The following TNR variants were observed in gnomAD, a reference collection of about 807,000 sequenced individuals.
The protein encoded by TNR is tenascin R.
In TNR, 45 loss-of-function variants were observed where a neutral mutation model predicts 150.4. The observed-to-expected ratio is 0.30, with a 90% CI of 0.24 to 0.38. The LOEUF (loss-of-function observed/expected upper bound fraction) is 0.38, where lower values mean the gene tolerates loss of function less well. Among genes scored for constraint, TNR ranks in the 10% least tolerant of loss-of-function variants. The pLI, the probability that TNR is intolerant of heterozygous loss-of-function variation, is 1.00. For synonymous variants in TNR, 687 were observed against 678.4 expected (o/e 1.01, Z -0.20); for missense variants, 1,544 against 1,759.1 (o/e 0.88, Z 2.19).
chr1:175,354,244 G>C, intron 18 of TNR, 147 bp downstream of exon 18: 2 of 1,091,614 alleles, frequency 1.8e-6, no homozygotes, highest in Non-Finnish European at 2.6e-6. Context: ...GAGGTTTCCT[G>C]GTAGGGGCTT....
chr1:175,496,575 C>T (rs1658497562), intron 2 of TNR, among the ~76,000 whole-genome samples: 2 of 152,196 alleles, frequency 1.3e-5, no homozygotes, highest in Admixed American at 6.5e-5. Flanking sequence ...CATTTATTAA[C>T]TGCTGATTCT....
chr1:175,515,871 G>C (rs967396417), intron 2 of TNR, among the ~76,000 whole-genome samples: 1 of 152,168 alleles, frequency 6.6e-6, no homozygotes, highest in Non-Finnish European at 1.5e-5. Flanking sequence ...ATTCTAAATT[G>C]GGATGAGGGC....
At chr1:175,328,423 G>T (rs1649535183) in intron 21 of TNR, among the ~76,000 whole-genome samples, 1 of 152,198 alleles carries the variant, frequency 6.6e-6, no homozygotes, top group Non-Finnish European at 1.5e-5. Flanking sequence ...GGTTGATTCA[G>T]AAGGCCACTA....
chr1:175,379,848 C>T (rs1285588434), intron 8 of TNR, 111 bp from the exon 9 acceptor site: 1 of 1,234,412 alleles, frequency 8.1e-7, no homozygotes, highest in African/African-American at 1.5e-5. Context: ...CCCTGACCCT[C>T]TGGCTCACAT....
chr1:175,337,560 A>T lies in TNR; in HGVS notation c.3502T>A (p.Cys1168Ser). ...GELSQKLQVYCDMTTDGGGWI... is the reference protein window; with the variant it reads ...GELSQKLQVYSDMTTDGGGWI... ...CCGCCCCCGTCGGTGGTCATATCAC[A>T]GTACACTTGTAATTTCTGGCTCAGC... The change falls in exon 19 of 23, where the codon TGT (cysteine) becomes AGT (serine). Residue 1168 changes from cysteine (C) to serine (S), a missense_variant. Physicochemically the swap from Cys to Ser is moderately radical, Grantham distance 112. This residue lies in a region of TNR where 290 missense variants were observed against 429.7 expected (regional missense o/e 0.67). Transcript: ENST00000367674. 6.2e-7 allele frequency: 1 copy of T among 1,613,818 alleles called. No individual in the cohort carries two copies.
chr1:175,443,611 A>T (rs1372984942), intron 2 of TNR, among the ~76,000 whole-genome samples: 2 of 152,156 alleles, frequency 1.3e-5, no homozygotes, highest in African/African-American at 4.8e-5. Flanking sequence ...AGACAGCCCC[A>T]GTACATGTTT....
intron 18 of TNR, among the ~76,000 whole-genome samples, chr1:175,347,753 T>C (rs1350688316): frequency 6.6e-6 from 1 of 152,122 alleles, no homozygotes; most frequent in Non-Finnish European, 1.5e-5. Context: ...AAATTTACAT[T>C]TTAATTTTTA....
intron 1 of TNR, among the ~76,000 whole-genome samples, chr1:175,609,218 T>C (rs1260208139): frequency 6.6e-6 from 1 of 152,144 alleles, no homozygotes; most frequent in Non-Finnish European, 1.5e-5. Context: ...AAGAAGGAAG[T>C]TGAATGACAT....
At chr1:175,413,580 C>T (rs1654307088) in intron 2 of TNR, among the ~76,000 whole-genome samples, 1 of 152,310 alleles carries the variant, frequency 6.6e-6, no homozygotes, top group African/African-American at 2.4e-5. Flanking sequence ...CTCCTCTCTG[C>T]CCTTCACTCT....
In TNR at chr1:175,317,023, G is replaced by A. The variant is rs1648867058; in HGVS notation, c.*6334C>T. 1 of 152,180 alleles carries A rather than the reference G, an allele frequency of 6.6e-6. No individual in the cohort carries two copies. The highest frequency in any genetic ancestry group is 1.5e-5 in the Non-Finnish European group (1 of 68,028). The allele number at this position is 152,180 out of a possible 1,614,324, so 9.4% of individuals were successfully genotyped here. A position where few individuals can be genotyped will look rare whatever the true frequency, so the allele number is the denominator to read the frequency against. ...GGCTTCAAAATTAGACAAAGGTTCAGATTATGGCTCTATTTAGTAGCTGTG... is the reference window on the plus strand; with the variant it reads ...GGCTTCAAAATTAGACAAAGGTTCAAATTATGGCTCTATTTAGTAGCTGTG... On this transcript the variant is annotated 3_prime_UTR_variant, in exon 23 of 23. Coordinates refer to ENST00000367674, the MANE Select transcript of TNR (RefSeq NM_003285.3).
chr1:175,565,177 T>C (rs1355047514), intron 1 of TNR, among the ~76,000 whole-genome samples: 1 of 152,242 alleles, frequency 6.6e-6, no homozygotes, highest in Non-Finnish European at 1.5e-5. Context: ...ACAGGATGAC[T>C]CTGCCAAGCC....
Position 175,684,808 on chromosome 1 carries a change from C to T in TNR, c.-165+58418G>A, listed in dbSNP as rs138049382. ...GTATACATGATCATATTAAAGGCTC[C>T]GAAGTCTATGGGAAAGAACTCTGTT... On this transcript the variant is annotated intron_variant, in intron 1 of 22. Coordinates refer to ENST00000367674, the MANE Select transcript of TNR (RefSeq NM_003285.3). 1.5e-3 allele frequency among the ~76,000 whole-genome samples: 233 copies of T among 152,238 alleles called. 3 individuals carry two copies. The highest frequency in any genetic ancestry group is 4.9e-3 in the African/African-American group (202 of 41,562).
intron 14 of TNR, 55 bp from the exon 15 acceptor site, chr1:175,359,786 C>T (rs1040955417): frequency 1.3e-6 from 2 of 1,554,670 alleles, no homozygotes; most frequent in Non-Finnish European, 8.7e-7. Context: ...GATAGAAATG[C>T]AGGGAATGAT....
chr1:175,503,368 A>C (rs1396749345), intron 2 of TNR, among the ~76,000 whole-genome samples: 1 of 152,220 alleles, frequency 6.6e-6, no homozygotes. Flanking sequence ...TATGGAAGGA[A>C]TCAATATATT....
intron 1 of TNR, among the ~76,000 whole-genome samples, chr1:175,665,716 G>C (rs1665515237): frequency 1.3e-5 from 2 of 152,158 alleles, no homozygotes; most frequent in Non-Finnish European, 2.9e-5. Flanking sequence ...CCTGTACCAG[G>C]CACTGTTAGA....
chr1:175,581,072 C>A (rs919644623), intron 1 of TNR, among the ~76,000 whole-genome samples: 2 of 152,228 alleles, frequency 1.3e-5, no homozygotes, highest in African/African-American at 2.4e-5. Flanking sequence ...CTCAGTGGAA[C>A]AAGCTTGAAC....
In TNR at chr1:175,406,573, C is replaced by T; in HGVS notation, c.142G>A (p.Glu48Lys). Residue 48 changes from glutamate to lysine, a missense_variant, in exon 3 of 23, where the codon GAG becomes AAG. Physicochemically the swap from Glu to Lys is moderately conservative, Grantham distance 56. Transcript: ENST00000367674. ...GTGTTGTAGTTGGCAATGCCTCCCTCCTCCTCCACTGACTGTCTCTGGACC... is the reference window on the plus strand; with the variant it reads ...GTGTTGTAGTTGGCAATGCCTCCCTTCTCCTCCACTGACTGTCTCTGGACC... ...ERVQRQSVEE[E>K]GGIANYNTSS... The T allele has an allele frequency of 6.2e-7, 1 of 1,614,214 alleles. No individual in the cohort carries two copies. Among genetic ancestry groups the T allele is most frequent in the South Asian group, 1.1e-5 (1 of 91,084 alleles).
chr1:175,570,954 G>T lies in TNR; in HGVS notation c.-164-42585C>A, dbSNP rs138349072. On this transcript the variant is annotated intron_variant, in intron 1 of 22. Coordinates refer to ENST00000367674, the MANE Select transcript of TNR (RefSeq NM_003285.3). ...CTCTCACCCAATAGGACCCAGAGAT[G>T]GTGTTGACATTCCTTGAGGTGCATG... Among the ~76,000 whole-genome samples, 13 of 152,242 alleles carry T rather than the reference G, an allele frequency of 8.5e-5. No individual in the cohort carries two copies. In the East Asian group the frequency reaches 2.3e-3, roughly 27 times the overall value.
intron 2 of TNR, among the ~76,000 whole-genome samples, chr1:175,505,352 A>C (rs993076578): frequency 3.9e-5 from 6 of 152,232 alleles, no homozygotes; most frequent in Non-Finnish European, 7.3e-5. Flanking sequence ...GCTGAAAGGC[A>C]GCTGAGAGAT....
Sources: gnomAD v4.1 joint callset for allele counts (sites outside exome capture counted in the v4.1 genomes callset) on GRCh38, gnomAD v4.1.1 for gene constraint, gnomAD v4.1.1 regional missense constraint, MANE v1.5 for transcripts, NCBI Gene and HGNC (gene_info 2026-07-23, HGNC 2026-07-21) for gene names.